SCN7A: variants seen among roughly 807,000 people sequenced by gnomAD.
SCN7A encodes the protein sodium channel protein type 7 subunit alpha.
SCN7A carries 138 observed loss-of-function variants against 155.2 expected under a neutral mutation model. The ratio of observed to expected loss-of-function variants is 0.89; its 90% CI spans 0.77 to 1.02. The LOEUF (loss-of-function observed/expected upper bound fraction) is 1.02. SCN7A is among the 50% of genes least tolerant of loss of function. SCN7A has a pLI of 0.00. For synonymous variants in SCN7A, 693 were observed against 649.0 expected (o/e 1.07, Z -1.03); for missense variants, 2,058 against 1,986.6 (o/e 1.04, Z -0.68).
chr2:166,475,104 GTA>G lies in SCN7A; in HGVS notation c.235-762_235-761del, dbSNP rs370064873. On this transcript the variant is annotated intron_variant, in intron 3 of 25. Coordinates refer to ENST00000643258, the MANE Select transcript of SCN7A (RefSeq NM_002976.4). ...TGTATATATATATACACATATATAT[GTA>G]TATATATATATATACATATATATAT... Among the ~76,000 whole-genome samples the G allele has an allele frequency of 4.5e-4, 39 of 85,994 alleles. 1 individual carries two copies. The highest frequency in any genetic ancestry group is 6.5e-4 in the Admixed American group (5 of 7,728). The allele number at this position is 85,994 out of a possible 152,430, so 56.4% of individuals were successfully genotyped here.
intron 3 of SCN7A, among the ~76,000 whole-genome samples, chr2:166,476,839 T>C (rs1702809347): frequency 6.6e-6 from 1 of 152,082 alleles, no homozygotes. Context: ...AACTTTGAAG[T>C]GCTCTTTAAG....
At chr2:166,441,317 C>A (rs1701954642) in intron 15 of SCN7A, 79 bp downstream of exon 15, 7 of 972,862 alleles carry the variant, frequency 7.2e-6, no homozygotes, top group Non-Finnish European at 1.1e-5. Flanking sequence ...ACCATTAGAT[C>A]CCATCAATGC....
In SCN7A at chr2:166,473,875, A is replaced by C. The variant is rs771723460; in HGVS notation, c.367T>G (p.Phe123Val). The change falls in exon 5 of 26, where the codon TTT becomes GTT. Residue 123 changes from phenylalanine (F) to valine (V), a missense_variant. By Grantham distance (50) the Phe-to-Val change is conservative. Coordinates refer to ENST00000643258, the MANE Select transcript of SCN7A (RefSeq NM_002976.4). ...TCAATCAGGACACTAATTAGAATAA[A>C]CAGTTGGAAAAAGGTAGCTTATAGT... The part of the protein sequence containing the change: ...KVLVHPFFQL[F>V]ILISVLIDCV... 1.3e-6 allele frequency: 2 copies of C among 1,566,476 alleles called. No individual in the cohort carries two copies. The highest frequency in any genetic ancestry group is 1.7e-6 in the Non-Finnish European group (2 of 1,151,896).
chr2:166,438,782 G>A (rs1010042472), intron 15 of SCN7A, among the ~76,000 whole-genome samples: 7 of 151,824 alleles, frequency 4.6e-5, no homozygotes, highest in African/African-American at 1.7e-4. Flanking sequence ...GATGACTGCT[G>A]AGGAAAATTA....
intron 10 of SCN7A, 63 bp downstream of exon 10, chr2:166,462,325 AT>A: frequency 1.4e-6 from 2 of 1,468,836 alleles, no homozygotes; most frequent in Middle Eastern, 3.6e-4. Flanking sequence ...ACATTTGACC[AT>A]TATCTTAGAA....
chr2:166,409,995 G>C (rs1574998612), intron 24 of SCN7A, 60 bp from the exon 25 acceptor site: 1 of 1,391,890 alleles, frequency 7.2e-7, no homozygotes, highest in East Asian at 2.5e-5. Context: ...ACATATATAT[G>C]GTCTTTTATA....
chr2:166,443,168 T>G (rs1343767584), intron 14 of SCN7A, among the ~76,000 whole-genome samples: 1 of 152,190 alleles, frequency 6.6e-6, no homozygotes, highest in Admixed American at 6.6e-5. Flanking sequence ...AATACTCACC[T>G]TATTTCGGCT....
chr2:166,423,307 C>T lies in SCN7A; in HGVS notation c.2979G>A (p.Lys993=). 1 of 1,612,208 alleles carries T rather than the reference C, an allele frequency of 6.2e-7. No homozygotes were observed. Among genetic ancestry groups the T allele is most frequent in the Non-Finnish European group, 8.5e-7 (1 of 1,179,074 alleles). Reference sequence around the variant, plus strand: ...TGTACCAGCCATTAGAGAAATAGGCCTTAAAACCATATGCCATCCATTTTA... The same window carrying T: ...TGTACCAGCCATTAGAGAAATAGGCTTTAAAACCATATGCCATCCATTTTA... ...MLLKWMAYGF[K]AYFSNGWYRL... The change falls in exon 19 of 26, where the codon AAG becomes AAA. Residue 993 remains lysine, a synonymous_variant. Transcript: ENST00000643258.
chr2:166,469,965 C>G (rs1702618197), intron 7 of SCN7A, among the ~76,000 whole-genome samples: 1 of 151,892 alleles, frequency 6.6e-6, no homozygotes, highest in Admixed American at 6.6e-5. Context: ...TATTTCATAA[C>G]ACTTCTGAAT....
chr2:166,475,080 G>GTATATATATATATAAGTATATATGTA (rs201255081), intron 3 of SCN7A, among the ~76,000 whole-genome samples: 1 of 85,884 alleles, frequency 1.2e-5, no homozygotes. Context: ...TTATATTTGT[G>GTATATATATATATAAGTATATATGTA]TATATATATA....
At chr2:166,407,160 G>C (rs1435623152) in intron 25 of SCN7A, among the ~76,000 whole-genome samples, 2 of 151,908 alleles carry the variant, frequency 1.3e-5, no homozygotes, top group East Asian at 3.9e-4. Flanking sequence ...AGAAATGTCT[G>C]GCATTCAGTG....
chr2:166,421,407 A>G (rs1701509033), intron 19 of SCN7A, 110 bp from the exon 20 acceptor site: 3 of 498,888 alleles, frequency 6.0e-6, no homozygotes, highest in African/African-American at 2.0e-5. Flanking sequence ...AAAGCTTACC[A>G]GTAAATTCGT....
chr2:166,413,089 A>G lies in SCN7A; in HGVS notation c.3447T>C (p.Asn1149=). ...ATFNGWITIM[N]SAIDSVAVNI... ...TTACAGCAACAGAATCAATTGCTGA[A>G]TTCATAATAGTGATCCATCCATTAA... is the stretch of plus-strand genomic sequence containing the variant. Residue 1149 remains asparagine, a synonymous_variant, in exon 22 of 26, where the codon AAT becomes AAC. Coordinates refer to ENST00000643258, the MANE Select transcript of SCN7A (RefSeq NM_002976.4). The G allele has an allele frequency of 1.3e-6, 2 of 1,541,212 alleles. No individual in the cohort carries two copies. The highest frequency in any genetic ancestry group is 1.8e-6 in the Non-Finnish European group (2 of 1,140,160).
intron 21 of SCN7A, among the ~76,000 whole-genome samples, chr2:166,414,291 C>CATATATATATATATATAT (rs1289665485): frequency 2.3e-5 from 1 of 42,746 alleles, no homozygotes; most frequent in African/African-American, 9.6e-5. Flanking sequence ...TATATACACA[C>CATATATATATATATATAT]ACATATATAT....
chr2:166,472,104 C>T (rs1456814720), intron 6 of SCN7A, among the ~76,000 whole-genome samples: 1 of 151,426 alleles, frequency 6.6e-6, no homozygotes, highest in Non-Finnish European at 1.5e-5. Context: ...CTAATGCTAT[C>T]CCTCCCCCTC....
chr2:166,467,516 CAGATAGATAGATAGA>C lies in SCN7A; in HGVS notation c.665-1544_665-1530del, dbSNP rs1315257238. ...ATATATATATACACACACACACACA[CAGATAGATAGATAGA>C]TAATTTCCATCATATACCCAGTTTT... On this transcript the variant is annotated intron_variant, in intron 7 of 25. Coordinates refer to ENST00000643258, the MANE Select transcript of SCN7A (RefSeq NM_002976.4). Among the ~76,000 whole-genome samples, 5 of 149,968 alleles carry C rather than the reference CAGATAGATAGATAGA, an allele frequency of 3.3e-5. No homozygotes were observed. The South Asian group carries it at 6.3e-4, about 19-fold the overall frequency.
intron 15 of SCN7A, among the ~76,000 whole-genome samples, chr2:166,439,350 T>C (rs1701907813): frequency 6.6e-6 from 1 of 151,968 alleles, no homozygotes; most frequent in Non-Finnish European, 1.5e-5. Context: ...ATTCAGCTAA[T>C]GAGATAATAG....
Position 166,447,603 on chromosome 2 carries a change from G to A in SCN7A, c.1387+9C>T, listed in dbSNP as rs779981768. On this transcript the variant is annotated intron_variant, in intron 12 of 25. Coordinates refer to ENST00000643258, the MANE Select transcript of SCN7A (RefSeq NM_002976.4). ...TCAATAGTGAGTGTCTACTTATTTA[G>A]TACTTTACCTTCCTTATGTCTGAGA... The A allele has an allele frequency of 6.4e-6, 10 of 1,571,316 alleles. No individual in the cohort carries two copies. The South Asian group carries it at 8.9e-5, about 14-fold the overall frequency.
At chr2:166,413,450 G>A (rs1325192374) in intron 21 of SCN7A, among the ~76,000 whole-genome samples, 1 of 152,044 alleles carries the variant, frequency 6.6e-6, no homozygotes, top group Non-Finnish European at 1.5e-5. Flanking sequence ...TTCTGTGAGA[G>A]ACATAAGAGG....
Sources: gnomAD v4.1 joint callset for allele counts (sites outside exome capture counted in the v4.1 genomes callset) on GRCh38, gnomAD v4.1.1 for gene constraint, MANE v1.5 for transcripts, NCBI Gene and HGNC (gene_info 2026-07-23, HGNC 2026-07-21) for gene names.